Variants in STT3A observed in about 807,000 individuals in gnomAD.
The protein encoded by STT3A is dolichyl-diphosphooligosaccharide--protein glycosyltransferase subunit STT3A.
In STT3A, 34 loss-of-function variants were observed where a neutral mutation model predicts 89.2. That is an observed-to-expected ratio of 0.38 (90% CI 0.29 to 0.51). STT3A has a LOEUF of 0.51. Ranked by LOEUF, STT3A falls within the 20% of genes least tolerant of loss-of-function variation. STT3A has a pLI of 0.89. For missense variants in STT3A, 555 were observed against 889.5 expected (o/e 0.62, Z 4.78); for synonymous variants, 282 against 310.3 (o/e 0.91, Z 0.96).
chr11:125,619,883 T>C, intron 16 of STT3A, 128 bp from the exon 17 acceptor site: 1 of 771,988 alleles, frequency 1.3e-6, no homozygotes, highest in South Asian at 1.8e-5. Context: ...TTTTGCAGGC[T>C]CTACTCTCAA....
chr11:125,609,626 A>G lies in STT3A; in HGVS notation c.1117+37A>G, dbSNP rs767901071. On this transcript the variant is annotated intron_variant, in intron 10 of 17. Transcript: ENST00000392708. Reference sequence around the variant, plus strand: ...CGTGTTCTGAAATGGCCTTGTTCATAAGAATCACAATTTGATTCCAAATTT... The same window carrying G: ...CGTGTTCTGAAATGGCCTTGTTCATGAGAATCACAATTTGATTCCAAATTT... 10 of 1,575,496 alleles carry G rather than the reference A, an allele frequency of 6.3e-6. No homozygotes were observed. The Middle Eastern group carries it at 5.1e-4, about 81-fold the overall frequency.
intron 8 of STT3A, among the ~76,000 whole-genome samples, chr11:125,606,679 G>A (rs1432560169): frequency 6.6e-6 from 1 of 152,142 alleles, no homozygotes. Context: ...GAATTCCATG[G>A]CTCTTACTTT....
chr11:125,594,408 C>T (rs534247549), intron 1 of STT3A, among the ~76,000 whole-genome samples: 134 of 151,888 alleles, frequency 8.8e-4, no homozygotes, highest in Non-Finnish European at 1.5e-3. Context: ...GGTGAAACCC[C>T]GTCTCTACTA....
At chr11:125,604,976 CCTA>C (rs1939788825) in intron 6 of STT3A, among the ~76,000 whole-genome samples, 1 of 152,112 alleles carries the variant, frequency 6.6e-6, no homozygotes, top group South Asian at 2.1e-4. Context: ...GTAGTGTGCG[CCTA>C]TAGTCCCAGC....
At chr11:125,619,312 G>A (rs1387063902) in intron 16 of STT3A, among the ~76,000 whole-genome samples, 3 of 151,264 alleles carry the variant, frequency 2.0e-5, no homozygotes, top group East Asian at 1.9e-4. Context: ...CACCCACCTC[G>A]GCCTCCCAAA....
At chr11:125,620,185 G>A (rs1180794307) in intron 17 of STT3A, 59 bp downstream of exon 17, 9 of 1,381,270 alleles carry the variant, frequency 6.5e-6, no homozygotes, top group African/African-American at 1.4e-5. Context: ...TGGTTTCAAT[G>A]CTTATAAAAT....
chr11:125,600,651 C>T (rs1414886576), intron 3 of STT3A, among the ~76,000 whole-genome samples: 1 of 152,124 alleles, frequency 6.6e-6, no homozygotes, highest in Non-Finnish European at 1.5e-5. Flanking sequence ...GTGTTATCTA[C>T]CTCACCCAGC....
intron 10 of STT3A, chr11:125,611,056 A>G (rs1441815789): frequency 6.4e-6 from 1 of 155,194 alleles, no homozygotes; most frequent in Non-Finnish European, 1.4e-5. Flanking sequence ...ACTTAGTATT[A>G]TTTTATAGAA....
In STT3A at chr11:125,602,298, T is replaced by C. The variant is rs1190923070; in HGVS notation, c.150-5T>C. On this transcript the variant is annotated splice_region_variant and splice_polypyrimidine_tract_variant and intron_variant, in intron 3 of 17. Coordinates refer to ENST00000392708, the MANE Select transcript of STT3A (RefSeq NM_152713.5). ...ATTTACAACAAAGTTTATTTCTTGCTATAGGTACTTTAATTATCGGACTAC... is the reference window on the plus strand; with the variant it reads ...ATTTACAACAAAGTTTATTTCTTGCCATAGGTACTTTAATTATCGGACTAC... 2 of 1,610,838 alleles carry C rather than the reference T, an allele frequency of 1.2e-6. No homozygotes were observed. The highest frequency in any genetic ancestry group is 1.7e-6 in the Non-Finnish European group (2 of 1,179,196).
intron 1 of STT3A, chr11:125,593,687 ACCT>A (rs1298712284): frequency 6.6e-6 from 1 of 152,110 alleles, no homozygotes; most frequent in Non-Finnish European, 1.5e-5. Context: ...TGGATTGTTG[ACCT>A]CCTGGAGTAG....
rs892556928 is a variant in STT3A, at chr11:125,620,196, G to A, written c.2079+70G>A. On this transcript the variant is annotated intron_variant, in intron 17 of 17. Coordinates refer to ENST00000392708, the MANE Select transcript of STT3A (RefSeq NM_152713.5). ...AGATTGGTTTCAATGCTTATAAAAT[G>A]GGACATATATTTCTCAAATAGGGAA... 6 of 1,238,212 alleles carry A rather than the reference G, an allele frequency of 4.8e-6. No homozygotes were observed. In the African/African-American group the frequency reaches 6.0e-5, roughly 12 times the overall value. 76.7% of individuals were successfully genotyped at this position (1,238,212 alleles called of 1,614,324 possible). A position where few individuals can be genotyped will look rare whatever the true frequency, so the allele number is the denominator to read the frequency against.
chr11:125,618,470 C>G lies in STT3A; in HGVS notation c.1872C>G (p.Phe624Leu). The change falls in exon 16 of 18, where the codon TTC becomes TTG. Residue 624 changes from phenylalanine (F) to leucine (L), a missense_variant. By Grantham distance (22) the Phe-to-Leu change is conservative (BLOSUM62 0). This residue lies in a region of STT3A where 273 missense variants were observed against 449.8 expected (regional missense o/e 0.61). Transcript: ENST00000392708. ...ACTATTATACTCCAACTGGGGAGTT[C>G]CGTGTGGACCGTGAAGGTTCTCCAG... The part of the protein sequence containing the change: ...ENDYYTPTGE[F>L]RVDREGSPVL... 6.2e-7 allele frequency: 1 copy of G among 1,613,834 alleles called. No individual in the cohort carries two copies. The highest frequency in any genetic ancestry group is 8.5e-7 in the Non-Finnish European group (1 of 1,179,994).
rs12273961 is a variant in STT3A at position 125,617,660 on chromosome 11, A to T, written c.1775-713A>T. Among the ~76,000 whole-genome samples, 1,463 of 152,292 alleles carry T rather than the reference A, an allele frequency of 9.6e-3. 26 individuals carry two copies. Among genetic ancestry groups the T allele is most frequent in the African/African-American group, 0.032 (1,313 of 41,564 alleles). On this transcript the variant is annotated intron_variant, in intron 15 of 17. Coordinates refer to ENST00000392708, the MANE Select transcript of STT3A (RefSeq NM_152713.5). The stretch of plus-strand genomic sequence containing the variant: ...GAGTGTGTTTGACACAGAAATGTTG[A>T]CTTCTCATATACCTGCTTTGGAGGT...
In STT3A at chr11:125,620,818, G is replaced by A. The variant is rs760146891; in HGVS notation, c.*8G>A. ...GGCTTGTCAAGGACATAAATGTCAC[G>A]TCCAGCTCTGATATGCTTCGCACTG... On this transcript the variant is annotated 3_prime_UTR_variant, in exon 18 of 18. Transcript: ENST00000392708. 12 of 1,612,370 alleles carry A rather than the reference G, an allele frequency of 7.4e-6. No individual in the cohort carries two copies. The highest frequency in any genetic ancestry group is 4.4e-5 in the South Asian group (4 of 91,010).
Position 125,613,021 on chromosome 11 carries a change from C to G in STT3A, c.1398C>G (p.Phe466Leu). Residue 466 changes from phenylalanine (F) to leucine (L), a missense_variant, in exon 13 of 18, where the codon TTC becomes TTG. Phe to Leu is a conservative substitution (Grantham distance 22). Transcript: ENST00000392708. This position sits in a 1 kb window ranked among gnomAD's most constrained non-coding sequence, Gnocchi z 4.2. ...VASGMILVMA[F>L]FLITYTFHST... is the part of the protein sequence containing the mutation. ...GTGGGATGATACTGGTCATGGCTTT[C>G]TTTCTCATCACCTACACCTTTCATT... The G allele has an allele frequency of 6.2e-7, 1 of 1,614,162 alleles. No homozygotes were observed. The highest frequency in any genetic ancestry group is 8.5e-7 in the Non-Finnish European group (1 of 1,180,016).
intron 3 of STT3A, among the ~76,000 whole-genome samples, chr11:125,600,302 G>A (rs959918177): frequency 5.3e-5 from 8 of 151,664 alleles, no homozygotes; most frequent in Non-Finnish European, 7.4e-5. Flanking sequence ...CACCTGCGTC[G>A]GCCTCCCAAA....
chr11:125,609,637 TTTGA>T, intron 10 of STT3A, 48 bp downstream of exon 10: 1 of 1,572,852 alleles, frequency 6.4e-7, no homozygotes, highest in Non-Finnish European at 8.6e-7. Context: ...AGAATCACAA[TTTGA>T]TTCCAAATTT....
At position 125,617,118 on chromosome 11, in the gene STT3A, G is replaced by A. The variant is rs188972715; in HGVS notation, c.1775-1255G>A. ...GTTTATTTTTGTTCCTGTTTCTGGC[G>A]CTATGATCTAGGCAAGTCTCTGTGC... is the stretch of plus-strand genomic sequence containing the variant. On this transcript the variant is annotated intron_variant, in intron 15 of 17. Coordinates refer to ENST00000392708, the MANE Select transcript of STT3A (RefSeq NM_152713.5). Among the ~76,000 whole-genome samples the A allele has an allele frequency of 9.0e-3, 1,374 of 152,150 alleles. 8 individuals are homozygous for A. Among genetic ancestry groups the A allele is most frequent in the African/African-American group, 0.022 (894 of 41,512 alleles).
intron 6 of STT3A, among the ~76,000 whole-genome samples, chr11:125,604,450 C>G (rs923933773): frequency 5.9e-5 from 9 of 152,170 alleles, no homozygotes; most frequent in Admixed American, 2.0e-4. Flanking sequence ...TCTTACAAGT[C>G]TTTGGTTCAT....
Sources: allele counts gnomAD v4.1 joint callset (sites outside exome capture counted in the v4.1 genomes callset), GRCh38; gene constraint gnomAD v4.1.1; regional missense constraint gnomAD v4.1.1; non-coding constraint Gnocchi (gnomAD v3.1); transcripts MANE v1.5; gene names NCBI Gene and HGNC (gene_info 2026-07-23, HGNC 2026-07-21).